AGO2: variants seen among roughly 807,000 people sequenced by gnomAD.
AGO2 encodes the protein protein argonaute-2.
In AGO2, 5 loss-of-function variants were observed where a neutral mutation model predicts 102.3. That is an observed-to-expected ratio of 0.05 (90% CI 0.03 to 0.10). The LOEUF (loss-of-function observed/expected upper bound fraction) is 0.10. Among genes scored for constraint, AGO2 ranks in the 10% least tolerant of loss-of-function variants. The pLI is 1.00. For missense variants in AGO2, 541 were observed against 1,183.7 expected, an observed-to-expected ratio of 0.46 and a Z score of 7.97; for synonymous variants, 449 against 473.1, an observed-to-expected ratio of 0.95 and a Z score of 0.66.
At chr8:140,534,647 C>T (rs1228835951) in intron 17 of AGO2, among the ~76,000 whole-genome samples, 1 of 152,226 alleles carries the variant, frequency 6.6e-6, no homozygotes, top group Non-Finnish European at 1.5e-5. Context: ...AAAATATTTC[C>T]AATGGAATAT....
At chr8:140,601,587 T>C (rs1052679351) in intron 1 of AGO2, among the ~76,000 whole-genome samples, 5 of 152,206 alleles carry the variant, frequency 3.3e-5, no homozygotes, top group African/African-American at 9.6e-5. Context: ...TCCGCAACCA[T>C]GGCAGTCTGG....
intron 12 of AGO2, among the ~76,000 whole-genome samples, chr8:140,547,942 T>G (rs1342735641): frequency 6.6e-6 from 1 of 152,114 alleles, no homozygotes; most frequent in African/African-American, 2.4e-5. Context: ...ACAAAACGAT[T>G]TAAATGCCTC....
Position 140,555,929 on chromosome 8 carries a change from C to G in AGO2, c.1236G>C (p.Val412=). The change falls in exon 10 of 19, where the codon GTG becomes GTC. Residue 412 remains valine, a synonymous_variant. Transcript: ENST00000220592. ...CGTAGAGGATGGAGGGCGGCTGCAGCACCCGCCCAGTCACGTCTGTCATCT... is the reference window on the plus strand; with the variant it reads ...CGTAGAGGATGGAGGGCGGCTGCAGGACCCGCCCAGTCACGTCTGTCATCT... The part of the protein sequence containing the change: ...KDEMTDVTGR[V]LQPPSILYGG... 1 of 1,614,116 alleles carries G rather than the reference C, an allele frequency of 6.2e-7. No homozygotes were observed. Among genetic ancestry groups the G allele is most frequent in the Non-Finnish European group, 8.5e-7 (1 of 1,180,030 alleles).
intron 1 of AGO2, among the ~76,000 whole-genome samples, chr8:140,632,321 C>A (rs1311242741): frequency 1.3e-5 from 2 of 152,220 alleles, no homozygotes; most frequent in Non-Finnish European, 2.9e-5. Context: ...AACTGCCCCA[C>A]GGGTAGAGGG....
At chr8:140,618,322 G>GA (rs1190190120) in intron 1 of AGO2, among the ~76,000 whole-genome samples, 1,326 of 131,260 alleles carry the variant, frequency 0.01, 7 homozygotes, top group Non-Finnish European at 0.012. Flanking sequence ...TCCGTCTCAG[G>GA]AAAAAAAAAA....
At chr8:140,564,873 C>T (rs1334383206) in intron 3 of AGO2, among the ~76,000 whole-genome samples, 1 of 152,120 alleles carries the variant, frequency 6.6e-6, no homozygotes, top group African/African-American at 2.4e-5. Flanking sequence ...CAGTGGCTCA[C>T]ACCTGTAATC....
At chr8:140,581,914 G>C (rs1287929129) in intron 2 of AGO2, among the ~76,000 whole-genome samples, 3 of 152,090 alleles carry the variant, frequency 2.0e-5, no homozygotes, top group African/African-American at 7.2e-5. Flanking sequence ...CCATGGCTTA[G>C]AACATTTTTA....
intron 1 of AGO2, among the ~76,000 whole-genome samples, chr8:140,590,734 G>A (rs1163479026): frequency 6.6e-6 from 1 of 152,174 alleles, no homozygotes; most frequent in African/African-American, 2.4e-5. Flanking sequence ...CAGGGGCATC[G>A]TCTCAGGAGC....
At chr8:140,576,645 C>T (rs751544616) in intron 2 of AGO2, among the ~76,000 whole-genome samples, 1 of 152,192 alleles carries the variant, frequency 6.6e-6, no homozygotes, top group Non-Finnish European at 1.5e-5. Flanking sequence ...GAGGGAAATG[C>T]TCTCTTCTAC....
intron 3 of AGO2, among the ~76,000 whole-genome samples, chr8:140,566,414 A>G (rs2073284830): frequency 6.6e-6 from 1 of 152,200 alleles, no homozygotes; most frequent in Non-Finnish European, 1.5e-5. Flanking sequence ...AAATTGGCTA[A>G]TACAGCACCA....
chr8:140,535,028 T>C (rs1395986222), intron 17 of AGO2, among the ~76,000 whole-genome samples: 1 of 152,200 alleles, frequency 6.6e-6, no homozygotes, highest in Non-Finnish European at 1.5e-5. Context: ...GGCCAGTGAT[T>C]GCGCGAGGGG....
At chr8:140,615,438 A>T (rs2074129863) in intron 1 of AGO2, among the ~76,000 whole-genome samples, 1 of 152,236 alleles carries the variant, frequency 6.6e-6, no homozygotes, top group Non-Finnish European at 1.5e-5. Flanking sequence ...CTCATGCCAC[A>T]GTGGCCCCGG....
At chr8:140,549,377 G>A in intron 11 of AGO2, 79 bp from the exon 12 acceptor site, 1 of 1,425,452 alleles carries the variant, frequency 7.0e-7, no homozygotes, top group East Asian at 2.4e-5. Flanking sequence ...CTAACACAAG[G>A]GCGTCATTTT....
intron 2 of AGO2, among the ~76,000 whole-genome samples, chr8:140,574,534 G>A (rs1009103917): frequency 3.3e-5 from 5 of 152,112 alleles, no homozygotes; most frequent in African/African-American, 1.2e-4. Context: ...AAAGTGCTGG[G>A]AGTACCGGCA....
intron 14 of AGO2, among the ~76,000 whole-genome samples, chr8:140,542,376 C>T (rs1450390868): frequency 2.6e-5 from 4 of 152,230 alleles, no homozygotes; most frequent in Admixed American, 2.6e-4. Context: ...CCAGTTAATT[C>T]TCCCACTATT....
chr8:140,558,680 TG>T (rs1379480402), intron 6 of AGO2, 108 bp from the exon 7 acceptor site: 4 of 1,238,906 alleles, frequency 3.2e-6, no homozygotes, highest in East Asian at 2.4e-5. Context: ...ACCCAAGTTA[TG>T]GGGGGCTGCA....
chr8:140,569,742 G>T (rs2073347505), intron 3 of AGO2, among the ~76,000 whole-genome samples: 1 of 152,166 alleles, frequency 6.6e-6, no homozygotes, highest in Non-Finnish European at 1.5e-5. Context: ...AAGGAGTGAG[G>T]CTGGGCGGTC....
chr8:140,544,333 G>A (rs775729778), intron 13 of AGO2, 30 bp from the exon 14 acceptor site: 30 of 1,579,414 alleles, frequency 1.9e-5, no homozygotes, highest in African/African-American at 4.1e-5. Flanking sequence ...CAGGGGCCAC[G>A]GTGAGACACG....
chr8:140,588,033 C>T lies in AGO2; in HGVS notation c.23-2722G>A, dbSNP rs115437283. On this transcript the variant is annotated intron_variant, in intron 1 of 18. Coordinates refer to ENST00000220592, the MANE Select transcript of AGO2 (RefSeq NM_012154.5). ...GCCATCCTCCCCCATCTCCTCCATC[C>T]TCCAAGGATGCTCCAAGGAGTAATC... is the stretch of plus-strand genomic sequence containing the variant. Among the ~76,000 whole-genome samples the T allele has an allele frequency of 5.3e-3, 813 of 152,302 alleles. 6 individuals are homozygous for T. The highest frequency in any genetic ancestry group is 0.019 in the African/African-American group (792 of 41,554).
Sources: allele counts gnomAD v4.1 joint callset (sites outside exome capture counted in the v4.1 genomes callset), GRCh38; gene constraint gnomAD v4.1.1; transcripts MANE v1.5; gene names NCBI Gene and HGNC (gene_info 2026-07-23, HGNC 2026-07-21).